SLC39A11: variants seen among roughly 807,000 people sequenced by gnomAD.
SLC39A11 encodes zinc transporter ZIP11.
SLC39A11 carries 33 observed loss-of-function variants against 36.1 expected under a neutral mutation model. That is an observed-to-expected ratio of 0.91 (90% CI 0.69 to 1.22). The LOEUF (loss-of-function observed/expected upper bound fraction) is 1.22, where lower values mean the gene tolerates loss of function less well. SLC39A11 is among the 50% of genes most tolerant of loss of function. SLC39A11 has a pLI of 0.00. For synonymous variants in SLC39A11, 166 were observed against 170.3 expected (o/e 0.97, Z 0.20); for missense variants, 432 against 430.3 (o/e 1.00, Z -0.03).
chr17:72,876,316 CT>C (rs2080894563), intron 5 of SLC39A11, among the ~76,000 whole-genome samples: 1 of 152,194 alleles, frequency 6.6e-6, no homozygotes, highest in Non-Finnish European at 1.5e-5. Context: ...TTCATATCCC[CT>C]GGCCCCAAAG....
intron 6 of SLC39A11, among the ~76,000 whole-genome samples, chr17:72,778,422 CT>C (rs1476471132): frequency 2.0e-5 from 3 of 152,226 alleles, no homozygotes; most frequent in Non-Finnish European, 1.5e-5. Context: ...ATTCGTGTGG[CT>C]TTTTCCTACA....
chr17:72,697,237 C>T (rs1276976538), intron 7 of SLC39A11, among the ~76,000 whole-genome samples: 1 of 152,128 alleles, frequency 6.6e-6, no homozygotes, highest in Non-Finnish European at 1.5e-5. Context: ...TGCACGCCAC[C>T]ACTTCTGGCT....
intron 6 of SLC39A11, among the ~76,000 whole-genome samples, chr17:72,773,280 G>A (rs1435153067): frequency 6.6e-6 from 1 of 152,040 alleles, no homozygotes; most frequent in African/African-American, 2.4e-5. Context: ...ACATGGTTTG[G>A]CTGTGTCCCC....
At chr17:72,757,411 C>G (rs1226971768) in intron 6 of SLC39A11, among the ~76,000 whole-genome samples, 1 of 152,104 alleles carries the variant, frequency 6.6e-6, no homozygotes, top group Non-Finnish European at 1.5e-5. Context: ...CCAGTTATTT[C>G]CTGGTGGTGG....
At chr17:72,821,931 T>G (rs1172974446) in intron 6 of SLC39A11, 1 of 151,482 alleles carries the variant, frequency 6.6e-6, no homozygotes, top group Non-Finnish European at 1.5e-5. Context: ...CCTGGGTCCA[T>G]TCCCCTGTGG....
intron 6 of SLC39A11, among the ~76,000 whole-genome samples, chr17:72,823,098 A>G (rs543740542): frequency 2.6e-5 from 4 of 151,398 alleles, no homozygotes; most frequent in African/African-American, 9.6e-5. Context: ...GGAAGAGGTG[A>G]GTCCAAAAGC....
chr17:72,813,686 A>G (rs1056563621), intron 6 of SLC39A11, among the ~76,000 whole-genome samples: 1 of 152,220 alleles, frequency 6.6e-6, no homozygotes, highest in East Asian at 1.9e-4. Flanking sequence ...CCATCATAGC[A>G]CTGCCAGGGG....
intron 5 of SLC39A11, among the ~76,000 whole-genome samples, chr17:72,922,974 A>C (rs1239280718): frequency 6.7e-6 from 1 of 148,476 alleles, no homozygotes; most frequent in African/African-American, 2.5e-5. Context: ...AAAAAAAAAA[A>C]AAAAAAAAAA....
At chr17:72,997,819 C>A (rs777222988) in intron 4 of SLC39A11, among the ~76,000 whole-genome samples, 5 of 152,120 alleles carry the variant, frequency 3.3e-5, no homozygotes, top group Admixed American at 6.5e-5. Flanking sequence ...TCAACTGTCA[C>A]GACTTCATGG....
chr17:72,717,804 A>G (rs769714293), intron 7 of SLC39A11, among the ~76,000 whole-genome samples: 19 of 152,014 alleles, frequency 1.2e-4, no homozygotes, highest in Non-Finnish European at 1.8e-4. Context: ...AGGACAGGTC[A>G]CTCTTGCTCT....
At chr17:72,935,353 G>A (rs2084678054) in intron 5 of SLC39A11, among the ~76,000 whole-genome samples, 1 of 152,116 alleles carries the variant, frequency 6.6e-6, no homozygotes, top group South Asian at 2.1e-4. Flanking sequence ...GAGGTCACCA[G>A]AGGTTAAACA....
chr17:72,925,628 C>T (rs1475692361), intron 5 of SLC39A11, among the ~76,000 whole-genome samples: 1 of 152,208 alleles, frequency 6.6e-6, no homozygotes, highest in African/African-American at 2.4e-5. Context: ...CCTGGAATTG[C>T]AGTACCTGCC....
At chr17:72,746,192 G>A (rs2074927763) in intron 6 of SLC39A11, among the ~76,000 whole-genome samples, 1 of 152,114 alleles carries the variant, frequency 6.6e-6, no homozygotes, top group South Asian at 2.1e-4. Flanking sequence ...GAACAGGGCA[G>A]GTAGCCTCAT....
intron 7 of SLC39A11, among the ~76,000 whole-genome samples, chr17:72,702,939 C>CAAAAAAAA (rs57566412): frequency 2.3e-5 from 2 of 86,830 alleles, no homozygotes; most frequent in Non-Finnish European, 4.2e-5. Flanking sequence ...TCCATCTCAC[C>CAAAAAAAA]AAAAAAAAAA....
intron 6 of SLC39A11, among the ~76,000 whole-genome samples, chr17:72,748,591 C>T (rs2075035962): frequency 6.6e-6 from 1 of 152,128 alleles, no homozygotes; most frequent in Non-Finnish European, 1.5e-5. Context: ...CAGGCAGCGC[C>T]TCGTTTGTAT....
At chr17:73,079,713 T>C (rs1056027134) in intron 3 of SLC39A11, among the ~76,000 whole-genome samples, 9 of 152,152 alleles carry the variant, frequency 5.9e-5, no homozygotes, top group African/African-American at 1.2e-4. Context: ...ACATCGCTGT[T>C]TGCCGACGAT....
At chr17:72,994,493 G>A (rs1386240364) in intron 4 of SLC39A11, among the ~76,000 whole-genome samples, 1 of 152,180 alleles carries the variant, frequency 6.6e-6, no homozygotes, top group African/African-American at 2.4e-5. Flanking sequence ...GGAATACATG[G>A]GGAGTTAGGG....
chr17:72,839,791 T>C (rs1208681112), intron 6 of SLC39A11: 1 of 152,244 alleles, frequency 6.6e-6, no homozygotes, highest in Non-Finnish European at 1.5e-5. Flanking sequence ...AACATCTCTC[T>C]ACTTCTGTGC....
intron 4 of SLC39A11, among the ~76,000 whole-genome samples, chr17:72,948,262 T>C (rs374254357): frequency 3.4e-5 from 5 of 146,288 alleles, no homozygotes; most frequent in East Asian, 2.0e-4. Context: ...ACTGCAAGCG[T>C]CATCGCCGCA....
Sources: gnomAD v4.1 joint callset for allele counts (sites outside exome capture counted in the v4.1 genomes callset) on GRCh38, gnomAD v4.1.1 for gene constraint, MANE v1.5 for transcripts, NCBI Gene and HGNC (gene_info 2026-07-23, HGNC 2026-07-21) for gene names.